The following FNIP2 variants were observed in gnomAD, a reference collection of about 807,000 sequenced individuals.
FNIP2 encodes the protein folliculin-interacting protein 2.
FNIP2 carries 32 observed loss-of-function variants against 108.7 expected under a neutral mutation model. The observed-to-expected ratio is 0.29, with a 90% CI of 0.22 to 0.40. FNIP2 has a LOEUF of 0.40. FNIP2 is among the 10% of genes least tolerant of loss of function. The pLI is 1.00. For synonymous variants in FNIP2, 480 were observed against 496.7 expected (o/e 0.97, Z 0.45); for missense variants, 1,202 against 1,381.6 (o/e 0.87, Z 2.06).
chr4:158,902,238 GC>G (rs1297442361), intron 16 of FNIP2, among the ~76,000 whole-genome samples: 6 of 152,154 alleles, frequency 3.9e-5, no homozygotes, highest in African/African-American at 1.4e-4. Flanking sequence ...CTTCTAACAG[GC>G]CTGTCTGCTG....
intron 12 of FNIP2, among the ~76,000 whole-genome samples, chr4:158,863,594 G>T (rs116363236): frequency 6.6e-6 from 1 of 152,108 alleles, no homozygotes; most frequent in Non-Finnish European, 1.5e-5. Flanking sequence ...CAATGTGATC[G>T]CCACCCATTA....
At chr4:158,806,795 G>A (rs1472362240) in intron 1 of FNIP2, among the ~76,000 whole-genome samples, 3 of 152,174 alleles carry the variant, frequency 2.0e-5, no homozygotes, top group Non-Finnish European at 2.9e-5. Context: ...AGTAGATGGG[G>A]CTCAGGCCTG....
At chr4:158,808,949 G>T (rs565611791) in intron 1 of FNIP2, among the ~76,000 whole-genome samples, 1 of 152,280 alleles carries the variant, frequency 6.6e-6, no homozygotes, top group African/African-American at 2.4e-5. Context: ...AAACATGTTG[G>T]TTGTCTCATT....
In FNIP2 at chr4:158,859,140, G is replaced by A. The variant is rs1421485667; in HGVS notation, c.941G>A (p.Ser314Asn). ...AMVRRKKIAISIIFSLCEKEE... is the reference protein window; with the variant it reads ...AMVRRKKIAINIIFSLCEKEE... ...GTTAGGAGGAAGAAAATTGCCATAAGCATCATCTTTTCCCTATGTGAGAAA... is the reference window on the plus strand; with the variant it reads ...GTTAGGAGGAAGAAAATTGCCATAAACATCATCTTTTCCCTATGTGAGAAA... Residue 314 changes from serine (S) to asparagine (N), a missense_variant, in exon 9 of 17, where the codon AGC becomes AAC. This residue lies in a region of FNIP2 where 878 missense variants were observed against 990.3 expected (regional missense o/e 0.89). Coordinates refer to ENST00000264433, the MANE Select transcript of FNIP2 (RefSeq NM_020840.3). 8 of 1,613,870 alleles carry A rather than the reference G, an allele frequency of 5.0e-6. No individual in the cohort carries two copies. The highest frequency in any genetic ancestry group is 6.8e-6 in the Non-Finnish European group (8 of 1,179,872).
chr4:158,900,554 C>T (rs1553967644), intron 16 of FNIP2, among the ~76,000 whole-genome samples: 5 of 152,198 alleles, frequency 3.3e-5, no homozygotes, highest in Non-Finnish European at 7.3e-5. Flanking sequence ...GGATAGTTAG[C>T]TCTTCTGGTT....
intron 15 of FNIP2, among the ~76,000 whole-genome samples, chr4:158,892,336 T>C (rs1782332450): frequency 6.6e-6 from 1 of 152,080 alleles, no homozygotes; most frequent in African/African-American, 2.4e-5. Context: ...GGTTTTGCCA[T>C]GTTGCTCAGT....
chr4:158,834,403 A>G, intron 6 of FNIP2: 1 of 146,210 alleles, frequency 6.8e-6, no homozygotes, highest in Non-Finnish European at 1.5e-5. Flanking sequence ...CTGAGATTTA[A>G]CTTGTCTTAG....
At chr4:158,897,724 G>C (rs1037646312) in intron 16 of FNIP2, among the ~76,000 whole-genome samples, 4 of 152,118 alleles carry the variant, frequency 2.6e-5, no homozygotes, top group African/African-American at 9.7e-5. Flanking sequence ...GTTCTTTGTA[G>C]ATTCTGGATA....
chr4:158,821,967 G>A (rs1318583955), intron 1 of FNIP2, among the ~76,000 whole-genome samples: 2 of 152,014 alleles, frequency 1.3e-5, no homozygotes, highest in Non-Finnish European at 2.9e-5. Flanking sequence ...GCACATGCCT[G>A]TAGTCCCAGC....
At chr4:158,802,515 C>T (rs1490150408) in intron 1 of FNIP2, among the ~76,000 whole-genome samples, 2 of 152,186 alleles carry the variant, frequency 1.3e-5, no homozygotes, top group Middle Eastern at 3.4e-3. Context: ...CTCCAAGCTA[C>T]GTTTCTCAAT....
intron 14 of FNIP2, among the ~76,000 whole-genome samples, chr4:158,881,979 C>T (rs1289913104): frequency 2.6e-5 from 4 of 151,664 alleles, no homozygotes; most frequent in Non-Finnish European, 4.4e-5. Flanking sequence ...CGCCTCTTCC[C>T]GGCCGCCATC....
chr4:158,804,894 AGC>A (rs1456886777), intron 1 of FNIP2, among the ~76,000 whole-genome samples: 3 of 152,218 alleles, frequency 2.0e-5, no homozygotes, highest in Non-Finnish European at 4.4e-5. Context: ...CTATCAATTT[AGC>A]ATGTGCCACA....
intron 14 of FNIP2, chr4:158,872,429 TAGA>T: frequency 2.0e-6 from 2 of 985,402 alleles, no homozygotes. Context: ...CCCTTCCTTT[TAGA>T]AGGAGTGTTT....
intron 10 of FNIP2, among the ~76,000 whole-genome samples, chr4:158,860,854 A>G (rs1780247965): frequency 6.6e-6 from 1 of 151,812 alleles, no homozygotes; most frequent in Admixed American, 6.6e-5. Flanking sequence ...ACGGGGTTTC[A>G]CCATATTGGC....
rs1251154853 is a variant in FNIP2 at position 158,826,562 on chromosome 4, T to A, written c.234+520T>A. ...AAAAGGATTGTTTCTCAAACCCTTC[T>A]GACCAGGGGAGCTTTTATTTATTTC... On this transcript the variant is annotated intron_variant, in intron 2 of 16. Transcript: ENST00000264433. Among the ~76,000 whole-genome samples, 2 of 152,248 alleles carry A rather than the reference T, an allele frequency of 1.3e-5. 1 individual carries two copies.
chr4:158,774,782 T>C (rs1775807604), intron 1 of FNIP2, among the ~76,000 whole-genome samples: 1 of 152,170 alleles, frequency 6.6e-6, no homozygotes, highest in Non-Finnish European at 1.5e-5. Flanking sequence ...ATTTGAAATA[T>C]GTTTAGAAAA....
Position 158,904,826 on chromosome 4 carries a change from T to C in FNIP2, c.*282T>C, listed in dbSNP as rs1034551395. 7.8e-6 allele frequency: 3 copies of C among 383,012 alleles called. No homozygotes were observed. Among genetic ancestry groups the C allele is most frequent in the Non-Finnish European group, 1.5e-5 (3 of 205,590 alleles). 23.7% of individuals were successfully genotyped at this position (383,012 alleles called of 1,614,324 possible). On this transcript the variant is annotated 3_prime_UTR_variant, in exon 17 of 17. Coordinates refer to ENST00000264433, the MANE Select transcript of FNIP2 (RefSeq NM_020840.3). ...TTTTGGTAGGAGGAAACATAAGCACTAAACACTAAGCTGTTGCAACAGATT... is the reference window on the plus strand; with the variant it reads ...TTTTGGTAGGAGGAAACATAAGCACCAAACACTAAGCTGTTGCAACAGATT...
At position 158,907,630 on chromosome 4, in the gene FNIP2, T is replaced by C. The variant is rs1729953063; in HGVS notation, c.*3086T>C. 6.6e-6 allele frequency: 1 copy of C among 152,234 alleles called. No individual in the cohort carries two copies. Among genetic ancestry groups the C allele is most frequent in the African/African-American group, 2.4e-5 (1 of 41,464 alleles). 9.4% of individuals were successfully genotyped at this position (152,234 alleles called of 1,614,324 possible). On this transcript the variant is annotated 3_prime_UTR_variant, in exon 17 of 17. Transcript: ENST00000264433. ...TGGATTTTTCCGCTAATATGTACTT[T>C]AGAGAATATTTTGTTCATGCATACT...
At chr4:158,784,636 A>G (rs1776156244) in intron 1 of FNIP2, among the ~76,000 whole-genome samples, 1 of 152,220 alleles carries the variant, frequency 6.6e-6, no homozygotes, top group Admixed American at 6.5e-5. Context: ...TTAGATTCTC[A>G]TAAGGAGTGT....
Sources: allele counts gnomAD v4.1 joint callset (sites outside exome capture counted in the v4.1 genomes callset), GRCh38; gene constraint gnomAD v4.1.1; regional missense constraint gnomAD v4.1.1; transcripts MANE v1.5; gene names NCBI Gene and HGNC (gene_info 2026-07-23, HGNC 2026-07-21).